The following SMYD3 variants were observed in gnomAD, a reference collection of about 807,000 sequenced individuals.
SMYD3 encodes the protein SET and MYND domain containing 3.
A neutral mutation model predicts 57.7 loss-of-function variants in SMYD3; 36 were observed. The ratio of observed to expected loss-of-function variants is 0.62; its 90% CI spans 0.48 to 0.82. The LOEUF (loss-of-function observed/expected upper bound fraction) is 0.82, where lower values mean the gene tolerates loss of function less well. Among genes scored for constraint, SMYD3 ranks in the 40% least tolerant of loss-of-function variants. SMYD3 has a pLI of 0.00. For missense variants in SMYD3, 515 were observed against 538.8 expected (o/e 0.96, Z 0.44); for synonymous variants, 211 against 195.0 (o/e 1.08, Z -0.68).
chr1:246,419,557 G>A (rs1558456124), intron 1 of SMYD3, among the ~76,000 whole-genome samples: 1 of 152,156 alleles, frequency 6.6e-6, no homozygotes, highest in South Asian at 2.1e-4. Flanking sequence ...CACCTAGGTC[G>A]ATGGGGGTAG....
At chr1:246,377,648 C>T (rs534095647) in intron 1 of SMYD3, among the ~76,000 whole-genome samples, 30 of 152,152 alleles carry the variant, frequency 2.0e-4, no homozygotes, top group Non-Finnish European at 3.2e-4. Flanking sequence ...CGATTACAGG[C>T]GTAAGCCACC....
chr1:246,439,452 T>C (rs763025360), intron 1 of SMYD3, among the ~76,000 whole-genome samples: 2 of 152,206 alleles, frequency 1.3e-5, no homozygotes, highest in Non-Finnish European at 2.9e-5. Context: ...GCCCATTTTT[T>C]AGAACAGAAG....
chr1:245,752,962 G>A (rs1302343692), intron 11 of SMYD3, among the ~76,000 whole-genome samples: 1 of 152,198 alleles, frequency 6.6e-6, no homozygotes, highest in African/African-American at 2.4e-5. Flanking sequence ...CTCCCCGTAT[G>A]AACAGACTGC....
rs557671691 is a variant in SMYD3, at chr1:246,063,561, C to T, written c.532-133624G>A. On this transcript the variant is annotated intron_variant, in intron 5 of 11. Transcript: ENST00000490107. ...CCTCCTTCCTTCCCTTCCTTCCCTTCCTTCCTTCCCTCCCTCACTCCCATT... is the reference window on the plus strand; with the variant it reads ...CCTCCTTCCTTCCCTTCCTTCCCTTTCTTCCTTCCCTCCCTCACTCCCATT... Among the ~76,000 whole-genome samples, 316 of 150,916 alleles carry T rather than the reference C, an allele frequency of 2.1e-3. 1 individual carries two copies. Among genetic ancestry groups the T allele is most frequent in the Non-Finnish European group, 3.6e-3 (241 of 67,668 alleles).
At chr1:246,225,061 A>C (rs773323050) in intron 5 of SMYD3, among the ~76,000 whole-genome samples, 2 of 151,758 alleles carry the variant, frequency 1.3e-5, no homozygotes, top group South Asian at 4.2e-4. Context: ...TTTTTTTAGT[A>C]TATTGGCATC....
At chr1:246,314,447 C>T (rs943728519) in intron 5 of SMYD3, among the ~76,000 whole-genome samples, 10 of 152,102 alleles carry the variant, frequency 6.6e-5, no homozygotes, top group African/African-American at 2.2e-4. Context: ...TACAAAGGCA[C>T]GATACCCATA....
rs574989652 is a variant in SMYD3 at position 245,766,115 on chromosome 1, T to C, written c.1077-1966A>G. The stretch of plus-strand genomic sequence containing the variant: ...GTTGGGCATGCCTCTTTTAAAAAGC[T>C]GAAAAGGGGCTGGGCGCGGCGGCTC... On this transcript the variant is annotated intron_variant, in intron 10 of 11. Coordinates refer to ENST00000490107, the MANE Select transcript of SMYD3 (RefSeq NM_001167740.2). Among the ~76,000 whole-genome samples the C allele has an allele frequency of 5.7e-4, 87 of 152,084 alleles. 2 individuals carry two copies. The highest frequency in any genetic ancestry group is 3.4e-3 in the Middle Eastern group (1 of 294).
intron 1 of SMYD3, among the ~76,000 whole-genome samples, chr1:246,389,938 G>C (rs2066531344): frequency 6.6e-6 from 1 of 152,114 alleles, no homozygotes; most frequent in African/African-American, 2.4e-5. Context: ...TGAAAACTTT[G>C]ACAAACTTGG....
At position 245,863,839 on chromosome 1, in the gene SMYD3, T is replaced by C. The variant is rs1334908101; in HGVS notation, c.861A>G (p.Gln287=). ...GTTCTTCAATTTTTTTCAGGGATTC[T>C]TGAACTTCCTTCCATACTTGCTCAT... is the stretch of plus-strand genomic sequence containing the variant. ...TGDEQVWKEV[Q]ESLKKIEELK... The change falls in exon 9 of 12, where the codon CAA becomes CAG. Residue 287 remains glutamine (Q), a synonymous_variant. Transcript: ENST00000490107. 4 of 1,614,180 alleles carry C rather than the reference T, an allele frequency of 2.5e-6. No homozygotes were observed. The Admixed American group carries it at 5.0e-5, about 20-fold the overall frequency.
intron 5 of SMYD3, among the ~76,000 whole-genome samples, chr1:245,996,766 T>G (rs1325878680): frequency 1.3e-5 from 2 of 152,060 alleles, no homozygotes; most frequent in African/African-American, 4.8e-5. Flanking sequence ...AGTGTCCCCA[T>G]CCAAACTAGG....
intron 5 of SMYD3, among the ~76,000 whole-genome samples, chr1:246,242,088 C>T (rs1369340231): frequency 6.6e-6 from 1 of 151,742 alleles, no homozygotes; most frequent in Non-Finnish European, 1.5e-5. Context: ...GTCTCTATTT[C>T]CTTCAGTTCT....
At chr1:245,998,148 A>G (rs752345828) in intron 5 of SMYD3, among the ~76,000 whole-genome samples, 5 of 152,316 alleles carry the variant, frequency 3.3e-5, no homozygotes, top group Non-Finnish European at 5.9e-5. Context: ...CTTGGCTCAC[A>G]GTGCTTCATC....
intron 10 of SMYD3, among the ~76,000 whole-genome samples, chr1:245,833,318 C>A (rs2049952163): frequency 1.3e-5 from 2 of 152,178 alleles, no homozygotes; most frequent in Non-Finnish European, 1.5e-5. Flanking sequence ...CTACCCACGT[C>A]TCTTTTATGT....
chr1:246,338,736 T>C (rs2065583329), intron 2 of SMYD3, among the ~76,000 whole-genome samples: 2 of 152,190 alleles, frequency 1.3e-5, no homozygotes, highest in South Asian at 4.1e-4. Flanking sequence ...ATCTATACAG[T>C]TTCATAATGT....
At chr1:246,300,750 G>A (rs575723700) in intron 5 of SMYD3, among the ~76,000 whole-genome samples, 1 of 152,182 alleles carries the variant, frequency 6.6e-6, no homozygotes, top group South Asian at 2.1e-4. Context: ...TAGAACTGTT[G>A]TGAAGATTTA....
chr1:246,436,382 G>A (rs1264051942), intron 1 of SMYD3, among the ~76,000 whole-genome samples: 1 of 152,026 alleles, frequency 6.6e-6, no homozygotes, highest in East Asian at 1.9e-4. Context: ...AGTTTAAAAG[G>A]GGGGCCTACA....
intron 5 of SMYD3, among the ~76,000 whole-genome samples, chr1:246,090,893 G>A (rs1224910772): frequency 2.0e-5 from 3 of 152,032 alleles, no homozygotes; most frequent in Non-Finnish European, 2.9e-5. Flanking sequence ...TTGCTGACGC[G>A]AAATGACGAA....
At chr1:246,330,648 T>C in intron 3 of SMYD3, 111 bp from the exon 4 acceptor site, 1 of 807,866 alleles carries the variant, frequency 1.2e-6, no homozygotes, top group Admixed American at 3.3e-5. Flanking sequence ...AAAAAGAACA[T>C]TTTCTATATA....
At chr1:245,997,032 A>G (rs1396306359) in intron 5 of SMYD3, among the ~76,000 whole-genome samples, 5 of 152,212 alleles carry the variant, frequency 3.3e-5, no homozygotes, top group African/African-American at 1.2e-4. Context: ...GGGTATGCGC[A>G]TATGCTGCGT....
Sources: gnomAD v4.1 joint callset for allele counts (sites outside exome capture counted in the v4.1 genomes callset) on GRCh38, gnomAD v4.1.1 for gene constraint, MANE v1.5 for transcripts, NCBI Gene and HGNC (gene_info 2026-07-23, HGNC 2026-07-21) for gene names.